The following ZFHX3 variants were observed in gnomAD, a reference collection of about 807,000 sequenced individuals.
ZFHX3 encodes zinc finger homeobox protein 3.
Under a neutral mutation model 279.1 loss-of-function variants are expected in ZFHX3, and 42 were observed. The observed-to-expected ratio is 0.15, with a 90% CI of 0.12 to 0.19. ZFHX3 has a LOEUF of 0.19. ZFHX3 is among the 10% of genes least tolerant of loss of function. ZFHX3 has a pLI of 1.00. For synonymous variants in ZFHX3, 2,293 were observed against 1,957.8 expected, an observed-to-expected ratio of 1.17 and a Z score of -4.52; for missense variants, 4,981 against 4,754.0, an observed-to-expected ratio of 1.05 and a Z score of -1.40.
At chr16:73,671,531 T>C (rs1282964351) in intron 2 of ZFHX3, among the ~76,000 whole-genome samples, 1 of 152,228 alleles carries the variant, frequency 6.6e-6, no homozygotes, top group Non-Finnish European at 1.5e-5. Flanking sequence ...TTTTCTTTGC[T>C]GAAAAGGAAA....
intron 1 of ZFHX3, among the ~76,000 whole-genome samples, chr16:73,833,709 A>G (rs937954701): frequency 2.6e-5 from 4 of 151,892 alleles, no homozygotes; most frequent in Non-Finnish European, 4.4e-5. Context: ...CCTATGTAAC[A>G]AACCTGCACA....
chr16:73,312,002 C>G (rs756968568), intron 4 of ZFHX3, among the ~76,000 whole-genome samples: 1 of 152,156 alleles, frequency 6.6e-6, no homozygotes, highest in Non-Finnish European at 1.5e-5. Context: ...CAGGATGACG[C>G]ATGCAGCAGT....
intron 5 of ZFHX3, among the ~76,000 whole-genome samples, chr16:73,191,278 T>C (rs1968025822): frequency 6.6e-6 from 1 of 152,184 alleles, no homozygotes; most frequent in Non-Finnish European, 1.5e-5. Context: ...CTCTGATGTC[T>C]GTGTTGAACG....
rs1555502728 is a variant in ZFHX3 at position 73,175,405 on chromosome 16, A to AAACAAAC, written c.-1103-31575_-1103-31574insGTTTGTT. ...CAAAACAAACAAACAAACAAACAAA[A>AAACAAAC]AAACCACTGGTGGCCCCTGCCTGCT... On this transcript the variant is annotated intron_variant, in intron 5 of 17. Coordinates refer to the ZFHX3 transcript ENST00000641206. 3.9e-3 allele frequency among the ~76,000 whole-genome samples: 536 copies of AAACAAAC among 138,960 alleles called. 5 individuals carry two copies. Among genetic ancestry groups the AAACAAAC allele is most frequent in the African/African-American group, 0.014 (518 of 36,934 alleles). 91.2% of individuals were successfully genotyped at this position (138,960 alleles called of 152,430 possible). A position where few individuals can be genotyped will look rare whatever the true frequency, so the allele number is the denominator to read the frequency against.
intron 3 of ZFHX3, among the ~76,000 whole-genome samples, chr16:72,892,179 A>G (rs1046546303): frequency 6.6e-6 from 1 of 152,250 alleles, no homozygotes; most frequent in African/African-American, 2.4e-5. Context: ...AAATGCACCA[A>G]CTAAGTGTCA....
chr16:73,339,174 C>A (rs146348365), intron 3 of ZFHX3, among the ~76,000 whole-genome samples: 107 of 152,306 alleles, frequency 7.0e-4, no homozygotes, highest in African/African-American at 2.5e-3. Context: ...GCTTCAGAAT[C>A]TGATTTTAAG....
At chr16:73,464,221 A>G (rs1392495744) in intron 2 of ZFHX3, among the ~76,000 whole-genome samples, 3 of 152,092 alleles carry the variant, frequency 2.0e-5, no homozygotes, top group Non-Finnish European at 4.4e-5. Context: ...AGAGAGAGAG[A>G]GGGAGAGAGA....
At chr16:73,492,854 G>C (rs2019077086) in intron 2 of ZFHX3, among the ~76,000 whole-genome samples, 1 of 152,166 alleles carries the variant, frequency 6.6e-6, no homozygotes, top group Admixed American at 6.5e-5. Flanking sequence ...ACTGTGGTGA[G>C]ACTGTAAATT....
rs527812367 is a variant in ZFHX3, at chr16:73,659,424, C to T, written c.-1547+20756G>A. Among the ~76,000 whole-genome samples the T allele has an allele frequency of 3.3e-5, 5 of 151,718 alleles. No homozygotes were observed. In the South Asian group the frequency reaches 1.0e-3, roughly 32 times the overall value. ...GGGTGTCAGGTTCGATTAGAAGCCACGTACAATTTGGCTCTGAGAAGAACG... is the reference window on the plus strand; with the variant it reads ...GGGTGTCAGGTTCGATTAGAAGCCATGTACAATTTGGCTCTGAGAAGAACG... On this transcript the variant is annotated intron_variant, in intron 2 of 17. Transcript: ENST00000641206.
At chr16:73,875,411 C>T (rs1433206442) in intron 1 of ZFHX3, among the ~76,000 whole-genome samples, 1 of 152,060 alleles carries the variant, frequency 6.6e-6, no homozygotes, top group Non-Finnish European at 1.5e-5. Flanking sequence ...TCTTATCAAG[C>T]ATAAAGGCAT....
chr16:73,445,434 G>C (rs1339685177), intron 3 of ZFHX3, among the ~76,000 whole-genome samples: 1 of 151,692 alleles, frequency 6.6e-6, no homozygotes, highest in Non-Finnish European at 1.5e-5. Flanking sequence ...TTTTTCATTG[G>C]ATTTAAAGGG....
At chr16:73,109,406 T>G (rs1814936790) in intron 7 of ZFHX3, among the ~76,000 whole-genome samples, 2 of 152,106 alleles carry the variant, frequency 1.3e-5, no homozygotes, top group Admixed American at 6.6e-5. Flanking sequence ...AACATAAATG[T>G]GATTGAACAT....
At position 73,568,437 on chromosome 16, in the gene ZFHX3, A is replaced by G. The variant is rs574889880; in HGVS notation, c.-1547+111743T>C. On this transcript the variant is annotated intron_variant, in intron 2 of 17. Transcript: ENST00000641206. ...ACACCTGCTATGCCAAAACAGGAAC[A>G]TGCATTCCCCCACAATGGGATGGGT... Among the ~76,000 whole-genome samples the G allele has an allele frequency of 3.0e-3, 458 of 152,316 alleles. 2 individuals carry two copies. Among genetic ancestry groups the G allele is most frequent in the African/African-American group, 0.01 (434 of 41,546 alleles).
In ZFHX3 at chr16:73,672,296, C is replaced by T. The variant is rs538121935; in HGVS notation, c.-1547+7884G>A. Among the ~76,000 whole-genome samples, 25 of 152,160 alleles carry T rather than the reference C, an allele frequency of 1.6e-4. No homozygotes were observed. In the South Asian group the frequency reaches 4.8e-3, roughly 29 times the overall value. ...TGGGAACAAGGCAAGATATACAAAA[C>T]CAAAATATATCACCAATATTAACCC... On this transcript the variant is annotated intron_variant, in intron 2 of 17. Coordinates refer to the ZFHX3 transcript ENST00000641206.
chr16:73,340,719 T>A (rs2016016175), intron 3 of ZFHX3, among the ~76,000 whole-genome samples: 1 of 152,112 alleles, frequency 6.6e-6, no homozygotes, highest in African/African-American at 2.4e-5. Flanking sequence ...CTAGACAGTT[T>A]TTTGATATAG....
chr16:73,433,316 T>A (rs1182799603), intron 3 of ZFHX3, among the ~76,000 whole-genome samples: 1 of 152,172 alleles, frequency 6.6e-6, no homozygotes, highest in South Asian at 2.1e-4. Flanking sequence ...TTCCCATTAG[T>A]CACTTGCTTG....
intron 1 of ZFHX3, among the ~76,000 whole-genome samples, chr16:73,846,256 G>GA (rs556734122): frequency 3.0e-4 from 45 of 149,904 alleles, no homozygotes; most frequent in Middle Eastern, 3.4e-3. Context: ...AGAGTCAAAG[G>GA]AAAAAAAAAT....
intron 1 of ZFHX3, among the ~76,000 whole-genome samples, chr16:73,686,075 A>G (rs1000272999): frequency 2.0e-5 from 3 of 152,074 alleles, no homozygotes; most frequent in African/African-American, 7.2e-5. Context: ...GGGTAATAGT[A>G]TATTCAGACA....
intron 1 of ZFHX3, among the ~76,000 whole-genome samples, chr16:73,870,199 G>T (rs1046110073): frequency 2.6e-5 from 4 of 152,088 alleles, no homozygotes; most frequent in Non-Finnish European, 4.4e-5. Flanking sequence ...TACAATCAAG[G>T]TTTGCTGTTT....
Sources: gnomAD v4.1 joint callset for allele counts (sites outside exome capture counted in the v4.1 genomes callset) on GRCh38, gnomAD v4.1.1 for gene constraint, MANE v1.5 for transcripts, NCBI Gene and HGNC (gene_info 2026-07-23, HGNC 2026-07-21) for gene names.